Variants in WFS1 observed in about 807,000 individuals in gnomAD.
WFS1 encodes the protein wolframin.
A neutral mutation model predicts 68.5 loss-of-function variants in WFS1; 90 were observed. The observed-to-expected ratio is 1.31, with a 90% CI of 1.11 to 1.56. WFS1 has a LOEUF of 1.56. Among genes scored for constraint, WFS1 ranks in the 40% most tolerant of loss-of-function variants. The pLI is 0.00. For synonymous variants in WFS1, 860 were observed against 540.7 expected (o/e 1.59, Z -8.19); for missense variants, 1,767 against 1,232.6 (o/e 1.43, Z -6.49).
Position 6,302,145 on chromosome 4 carries a change from A to G in WFS1, c.2350A>G (p.Ser784Gly). ...TGAGATTACCGTGGGCATGCCATTCAGCAGCGGCGCTGACGGCTCGCGCAG... is the reference window on the plus strand; with the variant it reads ...TGAGATTACCGTGGGCATGCCATTCGGCAGCGGCGCTGACGGCTCGCGCAG... ...KFEITVGMPF[S>G]SGADGSRSRE... Residue 784 changes from serine (S) to glycine (G), a missense_variant, in exon 8 of 8, where the codon AGC becomes GGC. Transcript: ENST00000226760. The G allele has an allele frequency of 6.2e-7, 1 of 1,612,976 alleles. No homozygotes were observed. The highest frequency in any genetic ancestry group is 8.5e-7 in the Non-Finnish European group (1 of 1,179,982).
chr4:6,277,414 C>A (rs1341229327), intron 1 of WFS1, 37 bp from the exon 2 acceptor site: 1 of 1,541,030 alleles, frequency 6.5e-7, no homozygotes, highest in African/African-American at 1.4e-5. Flanking sequence ...CGGGCTCTGC[C>A]GGTGCTGGAT....
rs537004839 is a variant in WFS1, at chr4:6,277,667, G to T, written c.212G>T (p.Arg71Leu). The change falls in exon 2 of 8, where the codon CGG (arginine) becomes CTG (leucine). Residue 71 changes from arginine (R) to leucine (L), a missense_variant. Transcript: ENST00000226760. ...CCCCAGGCCCAGCATACCAGGAGCCGGGAAAGAGCAGACGGCACCGGTAAG... is the reference window on the plus strand; with the variant it reads ...CCCCAGGCCCAGCATACCAGGAGCCTGGAAAGAGCAGACGGCACCGGTAAG... ...AEPQAQHTRS[R>L]ERADGTGPTK... is the part of the protein sequence containing the mutation. 1.3e-5 allele frequency: 20 copies of T among 1,562,930 alleles called. No individual in the cohort carries two copies. The highest frequency in any genetic ancestry group is 1.6e-5 in the Non-Finnish European group (18 of 1,154,328).
chr4:6,291,029 G>A (rs56372828), intron 4 of WFS1, among the ~76,000 whole-genome samples, 168 bp from the exon 5 acceptor site: 3 of 42,186 alleles, frequency 7.1e-5, no homozygotes, highest in Admixed American at 2.8e-4. Flanking sequence ...TGGGCGTGGC[G>A]CGATGTCCTC....
At chr4:6,299,829 A>T (rs1415570181) in intron 7 of WFS1, among the ~76,000 whole-genome samples, 2 of 79,440 alleles carry the variant, frequency 2.5e-5, no homozygotes, top group Non-Finnish European at 4.6e-5. Flanking sequence ...CGTGTGTGTG[A>T]ATGTGTATAG....
At chr4:6,272,734 C>A (rs1729874341) in intron 1 of WFS1, among the ~76,000 whole-genome samples, 2 of 152,176 alleles carry the variant, frequency 1.3e-5, no homozygotes, top group South Asian at 2.1e-4. Flanking sequence ...CAACAAGTAT[C>A]TTTTTTAGGG....
At chr4:6,280,457 C>T (rs1159764630) in intron 2 of WFS1, among the ~76,000 whole-genome samples, 2 of 152,190 alleles carry the variant, frequency 1.3e-5, no homozygotes, top group Non-Finnish European at 2.9e-5. Context: ...GGTGACCCAG[C>T]AGGCACAGAG....
At chr4:6,297,160 C>T (rs985948504) in intron 7 of WFS1, among the ~76,000 whole-genome samples, 2 of 152,212 alleles carry the variant, frequency 1.3e-5, no homozygotes, top group African/African-American at 4.8e-5. Flanking sequence ...GAGATTTAAG[C>T]TGTTTTGACA....
intron 7 of WFS1, among the ~76,000 whole-genome samples, chr4:6,296,292 C>T (rs542000637): frequency 1.3e-5 from 2 of 152,334 alleles, no homozygotes; most frequent in South Asian, 2.1e-4. Flanking sequence ...AGCAGCCCTG[C>T]TGCAGGGACT....
rs1560406423 is a variant in WFS1 at position 6,285,264 on chromosome 4, G to A, written c.233-1829G>A. Among the ~76,000 whole-genome samples, 7 of 150,680 alleles carry A rather than the reference G, an allele frequency of 4.6e-5. 1 individual carries two copies. The South Asian group carries it at 6.4e-4, about 14-fold the overall frequency. Reference sequence around the variant, plus strand: ...ATTCAGGGAGGAGTCTTCCAGGGACGGGGACATCCAGGGAGAGGGGCGTCC... The same window carrying A: ...ATTCAGGGAGGAGTCTTCCAGGGACAGGGACATCCAGGGAGAGGGGCGTCC... On this transcript the variant is annotated intron_variant, in intron 2 of 7. Coordinates refer to ENST00000226760, the MANE Select transcript of WFS1 (RefSeq NM_006005.3).
chr4:6,287,174 A>T lies in WFS1; in HGVS notation c.314A>T (p.Glu105Val). Residue 105 changes from glutamate to valine, a missense_variant and splice_region_variant, in exon 3 of 8, where the codon GAG becomes GTG. By Grantham distance (121) the Glu-to-Val change is moderately radical. Coordinates refer to ENST00000226760, the MANE Select transcript of WFS1 (RefSeq NM_006005.3). The surrounding 1 kb of genome is among the most constrained non-coding windows in gnomAD (Gnocchi z 6.4). The stretch of plus-strand genomic sequence containing the variant: ...GCCGGGGACCCCAAGGCACAGACTG[A>T]GGTGAGGACTGCGGTGCCGGCAGGG... ...AKAGDPKAQT[E>V]VGKHYLQLAG... 6.4e-7 allele frequency: 1 copy of T among 1,557,554 alleles called. No individual in the cohort carries two copies. Among genetic ancestry groups the T allele is most frequent in the Non-Finnish European group, 8.7e-7 (1 of 1,149,520 alleles).
At position 6,300,965 on chromosome 4, in the gene WFS1, G is replaced by A; in HGVS notation, c.1170G>A (p.Val390=). The A allele has an allele frequency of 6.2e-7, 1 of 1,613,996 alleles. No homozygotes were observed. The highest frequency in any genetic ancestry group is 2.2e-5 in the East Asian group (1 of 44,860). The stretch of plus-strand genomic sequence containing the variant: ...TGCGCTTCGAGCCCAACCTGGATGT[G>A]GAGCAGGCCGAGGTCAACTTCGGCT... ...LLLRFEPNLD[V]EQAEVNFGWN... Residue 390 remains valine (V), a synonymous_variant, in exon 8 of 8, where the codon GTG becomes GTA. Transcript: ENST00000226760.
intron 7 of WFS1, among the ~76,000 whole-genome samples, chr4:6,299,318 T>C (rs1189142487): frequency 6.6e-6 from 1 of 152,186 alleles, no homozygotes; most frequent in Non-Finnish European, 1.5e-5. Flanking sequence ...CAAGAGCTCT[T>C]TCTGACCTTA....
At chr4:6,298,592 G>C (rs941992720) in intron 7 of WFS1, among the ~76,000 whole-genome samples, 7 of 152,024 alleles carry the variant, frequency 4.6e-5, no homozygotes, top group African/African-American at 1.7e-4. Context: ...AAACACTTCC[G>C]TTTCTTCCAT....
chr4:6,299,836 ATAGGGGTGGGTTGTGTGAATGCGTGTGTG>A (rs1165213018), intron 7 of WFS1, among the ~76,000 whole-genome samples: 56 of 75,938 alleles, frequency 7.4e-4, no homozygotes, highest in Admixed American at 3.7e-3. Context: ...GTGAATGTGT[ATAGGGGTGGGTTGTGTGAATGCGTGTGTG>A]TAGGGGTGGG....
At chr4:6,297,268 G>A (rs1430591805) in intron 7 of WFS1, among the ~76,000 whole-genome samples, 1 of 152,176 alleles carries the variant, frequency 6.6e-6, no homozygotes, top group Non-Finnish European at 1.5e-5. Flanking sequence ...TTGTGAGGGA[G>A]GCAATGAATC....
At chr4:6,278,562 G>A (rs920641347) in intron 2 of WFS1, among the ~76,000 whole-genome samples, 8 of 152,212 alleles carry the variant, frequency 5.3e-5, no homozygotes, top group Non-Finnish European at 8.8e-5. Flanking sequence ...CTGAGACACC[G>A]AGTCTAGGTG....
chr4:6,271,396 G>T (rs1729834954), intron 1 of WFS1, among the ~76,000 whole-genome samples: 1 of 152,186 alleles, frequency 6.6e-6, no homozygotes, highest in Non-Finnish European at 1.5e-5. Context: ...GCCCATCCCG[G>T]ACCAGTGCTG....
chr4:6,297,789 CCTT>C lies in WFS1; in HGVS notation c.861+2604_861+2606del, dbSNP rs373260795. ...ATCTCAGGAGTTGAATTTGTTTGGA[CCTT>C]CTTTGCAGAAAAGGAGACTGAACTT... On this transcript the variant is annotated intron_variant, in intron 7 of 7. Coordinates refer to ENST00000226760, the MANE Select transcript of WFS1 (RefSeq NM_006005.3). Among the ~76,000 whole-genome samples, 408 of 152,296 alleles carry C rather than the reference CCTT, an allele frequency of 2.7e-3. 3 individuals carry two copies. The highest frequency in any genetic ancestry group is 9.4e-3 in the African/African-American group (389 of 41,554).
intron 2 of WFS1, among the ~76,000 whole-genome samples, chr4:6,284,146 G>T (rs754375066): frequency 1.4e-4 from 22 of 152,168 alleles, no homozygotes; most frequent in Middle Eastern, 3.2e-3. Context: ...TGAGGCAGCA[G>T]ATCACCTGAG....
Sources: gnomAD v4.1 joint callset for allele counts (sites outside exome capture counted in the v4.1 genomes callset) on GRCh38, gnomAD v4.1.1 for gene constraint, Gnocchi (gnomAD v3.1) non-coding constraint, MANE v1.5 for transcripts, NCBI Gene and HGNC (gene_info 2026-07-23, HGNC 2026-07-21) for gene names.